The following RPS6KC1 variants were observed in gnomAD, a reference collection of about 807,000 sequenced individuals.
The protein encoded by RPS6KC1 is ribosomal protein S6 kinase C1.
Under a neutral mutation model 103.8 loss-of-function variants are expected in RPS6KC1, and 54 were observed. That is an observed-to-expected ratio of 0.52 (90% CI 0.42 to 0.65). The LOEUF is 0.65. Among genes scored for constraint, RPS6KC1 ranks in the 30% least tolerant of loss-of-function variants. RPS6KC1 has a pLI of 0.00. For synonymous variants in RPS6KC1, 439 were observed against 438.7 expected, an observed-to-expected ratio of 1.00 and a Z score of -0.01; for missense variants, 1,151 against 1,253.8, an observed-to-expected ratio of 0.92 and a Z score of 1.24.
In RPS6KC1 at chr1:213,051,494, T is replaced by G; in HGVS notation, c.90T>G (p.Tyr30Ter). Reference sequence around the variant, plus strand: ...GACACCCGAGGGGCTACACAGTATATAAGGTCACCGCCCGGGTGAGTGCCG... The same window carrying G: ...GACACCCGAGGGGCTACACAGTATAGAAGGTCACCGCCCGGGTGAGTGCCG... ...PQRHPRGYTVYKVTARVVSRR... is the reference protein window; with the variant it reads ...PQRHPRGYTV Residue 30 changes from tyrosine (Y) to a stop codon, truncating the protein, a stop_gained, in exon 1 of 15, where the codon TAT (tyrosine) becomes TAG (stop). Transcript: ENST00000366960. LOFTEE classifies it high-confidence loss of function. The G allele has an allele frequency of 6.2e-7, 1 of 1,612,360 alleles. No homozygotes were observed. The highest frequency in any genetic ancestry group is 8.5e-7 in the Non-Finnish European group (1 of 1,179,068).
chr1:213,457,071 TATAATA>T, the RPS6KC1 span, among the ~76,000 whole-genome samples: 11 of 152,210 alleles, frequency 7.2e-5, no homozygotes, highest in African/African-American at 2.4e-4. Flanking sequence ...TTTAAAATAA[TATAATA>T]GTAATAGTTT....
chr1:213,418,598 A>G, the RPS6KC1 span, among the ~76,000 whole-genome samples: 1 of 152,138 alleles, frequency 6.6e-6, no homozygotes, highest in African/African-American at 2.4e-5. Context: ...GAACAGTGTT[A>G]AAAAAGCTTT....
At chr1:213,852,760 A>G in the RPS6KC1 span, among the ~76,000 whole-genome samples, 3 of 152,244 alleles carry the variant, frequency 2.0e-5, no homozygotes, top group Admixed American at 6.5e-5. Context: ...ACAAACATAC[A>G]CAGGTAACAC....
chr1:213,822,082 G>A, the RPS6KC1 span: 151,781 of 152,340 alleles, frequency 1, 75,612 homozygotes, highest in East Asian at 1. Context: ...ACAGTTTCTC[G>A]TGATCAGGAA....
At chr1:213,761,588 C>T in the RPS6KC1 span, among the ~76,000 whole-genome samples, 18 of 152,226 alleles carry the variant, frequency 1.2e-4, no homozygotes, top group African/African-American at 3.9e-4. Flanking sequence ...ACACACTTTC[C>T]ATTTAATGCT....
chr1:213,788,841 A>C, the RPS6KC1 span, among the ~76,000 whole-genome samples: 1 of 152,138 alleles, frequency 6.6e-6, no homozygotes, highest in East Asian at 1.9e-4. Context: ...TGTATGGATA[A>C]TCTCTAAGCT....
At chr1:213,802,197 G>A in the RPS6KC1 span, among the ~76,000 whole-genome samples, 1,136 of 152,302 alleles carry the variant, frequency 7.5e-3, 17 homozygotes, top group African/African-American at 0.026. Context: ...TGTGCCAACT[G>A]TAGAGGAATC....
chr1:213,135,493 T>C (rs950086045), intron 6 of RPS6KC1, among the ~76,000 whole-genome samples: 6 of 152,204 alleles, frequency 3.9e-5, no homozygotes, highest in Non-Finnish European at 2.9e-5. Context: ...TTTCCTTCAG[T>C]TGTGACCTGT....
chr1:213,481,598 G>C, the RPS6KC1 span, among the ~76,000 whole-genome samples: 7,549 of 152,120 alleles, frequency 0.05, 605 homozygotes, highest in African/African-American at 0.17. Flanking sequence ...TGCTAAGTCA[G>C]CTTGATTTTG....
the RPS6KC1 span, among the ~76,000 whole-genome samples, chr1:213,640,198 T>C: frequency 6.6e-6 from 1 of 151,972 alleles, no homozygotes; most frequent in Non-Finnish European, 1.5e-5. Context: ...TATAGTATTC[T>C]GTATTTCGTT....
At chr1:213,364,056 G>GTGGGCC in the RPS6KC1 span, among the ~76,000 whole-genome samples, 1 of 152,042 alleles carries the variant, frequency 6.6e-6, no homozygotes, top group Admixed American at 6.6e-5. Context: ...TAGAGGGCTA[G>GTGGGCC]ATAGTAAATG....
chr1:213,205,733 A>G (rs1196662581), intron 8 of RPS6KC1, among the ~76,000 whole-genome samples: 1 of 151,390 alleles, frequency 6.6e-6, no homozygotes, highest in African/African-American at 2.4e-5. Context: ...CTTCAATTCA[A>G]TGCTTTGATA....
At chr1:213,313,920 T>C in the RPS6KC1 span, among the ~76,000 whole-genome samples, 3 of 152,016 alleles carry the variant, frequency 2.0e-5, no homozygotes, top group African/African-American at 7.2e-5. Context: ...GCCACTGCAC[T>C]CCAGCCTGGG....
At chr1:213,603,792 G>T in the RPS6KC1 span, among the ~76,000 whole-genome samples, 4,501 of 151,924 alleles carry the variant, frequency 0.03, 210 homozygotes, top group African/African-American at 0.1. Flanking sequence ...CCCAGGAGGC[G>T]CAGGTTGCAG....
the RPS6KC1 span, among the ~76,000 whole-genome samples, chr1:213,659,671 G>A: frequency 6.4e-3 from 966 of 150,364 alleles, 7 homozygotes; most frequent in African/African-American, 0.022. Flanking sequence ...TGGCATAAAT[G>A]TTCAAGTTTC....
chr1:213,809,118 G>C, the RPS6KC1 span, among the ~76,000 whole-genome samples: 1 of 152,176 alleles, frequency 6.6e-6, no homozygotes, highest in South Asian at 2.1e-4. Flanking sequence ...GATTTAAAGT[G>C]AGAGACTTGC....
At chr1:213,520,297 A>T in the RPS6KC1 span, among the ~76,000 whole-genome samples, 2 of 152,216 alleles carry the variant, frequency 1.3e-5, no homozygotes, top group Non-Finnish European at 2.9e-5. Context: ...GGCAGCAGGC[A>T]AAAAGAGAGA....
At chr1:213,681,153 C>A in the RPS6KC1 span, among the ~76,000 whole-genome samples, 2 of 152,140 alleles carry the variant, frequency 1.3e-5, no homozygotes, top group Admixed American at 6.5e-5. Flanking sequence ...AGGCCAGGGT[C>A]ACTAGCTCTC....
the RPS6KC1 span, among the ~76,000 whole-genome samples, chr1:213,617,695 G>A: frequency 6.6e-6 from 1 of 152,198 alleles, no homozygotes; most frequent in Non-Finnish European, 1.5e-5. Flanking sequence ...TTTCCCATAG[G>A]CATTGTTGGT....
Sources: gnomAD v4.1 joint callset for allele counts (sites outside exome capture counted in the v4.1 genomes callset) on GRCh38, gnomAD v4.1.1 for gene constraint, MANE v1.5 for transcripts, NCBI Gene and HGNC (gene_info 2026-07-23, HGNC 2026-07-21) for gene names.